The following FANK1 variants were observed in gnomAD, a reference collection of about 807,000 sequenced individuals.
FANK1 encodes fibronectin type 3 and ankyrin repeat domains protein 1.
Under a neutral mutation model 45.3 loss-of-function variants are expected in FANK1, and 44 were observed. The observed-to-expected ratio is 0.97, with a 90% CI of 0.76 to 1.25. The LOEUF (loss-of-function observed/expected upper bound fraction) is 1.25. Among genes scored for constraint, FANK1 ranks in the 50% most tolerant of loss-of-function variants. FANK1 has a pLI of 0.00. For missense variants in FANK1, 391 were observed against 424.4 expected (o/e 0.92, Z 0.69); for synonymous variants, 149 against 152.5 (o/e 0.98, Z 0.17).
At chr10:125,987,415 A>G (rs1482878550) in intron 2 of FANK1, among the ~76,000 whole-genome samples, 1 of 151,808 alleles carries the variant, frequency 6.6e-6, no homozygotes, top group Non-Finnish European at 1.5e-5. Context: ...GAAAAAACAA[A>G]AGGAGGAAAC....
At chr10:125,934,043 A>T (rs566796174) in intron 1 of FANK1, among the ~76,000 whole-genome samples, 1 of 152,082 alleles carries the variant, frequency 6.6e-6, no homozygotes, top group African/African-American at 2.4e-5. Context: ...GGCTTGTTTT[A>T]TTGGCATCTG....
intron 1 of FANK1, among the ~76,000 whole-genome samples, chr10:125,910,590 G>A (rs999732534): frequency 2.0e-5 from 3 of 152,076 alleles, no homozygotes; most frequent in Admixed American, 2.0e-4. Context: ...TTATATTTTG[G>A]TGAGTTTTCT....
rs1951331132 is a variant in FANK1 at position 125,983,174 on chromosome 10, T to C, written c.191+2836T>C. ...GTTTTCTGCATGTGTGTTCAGTTGT[T>C]TTCCCTGTTTGGACAGATTTTCCCC... is the stretch of plus-strand genomic sequence containing the variant. On this transcript the variant is annotated intron_variant, in intron 2 of 10. Transcript: ENST00000368693. This position sits in a 1 kb window ranked among gnomAD's most constrained non-coding sequence, Gnocchi z 4.3. Among the ~76,000 whole-genome samples, 2 of 152,202 alleles carry C rather than the reference T, an allele frequency of 1.3e-5. No homozygotes were observed. The highest frequency in any genetic ancestry group is 2.1e-4 in the South Asian group (1 of 4,832).
chr10:125,964,257 A>G (rs1001427063), intron 1 of FANK1, among the ~76,000 whole-genome samples: 2 of 137,216 alleles, frequency 1.5e-5, no homozygotes, highest in Admixed American at 1.6e-4. Context: ...CAGTGGCTCA[A>G]TCTCTGCTCG....
chr10:125,951,312 G>C (rs951454358), intron 1 of FANK1, among the ~76,000 whole-genome samples: 14 of 151,090 alleles, frequency 9.3e-5, no homozygotes, highest in Admixed American at 7.3e-4. Context: ...ATAACTATTT[G>C]CTCATATTTT....
chr10:125,923,295 CA>C (rs138311285), intron 1 of FANK1, among the ~76,000 whole-genome samples: 70,108 of 146,660 alleles, frequency 0.48, 17,059 homozygotes, highest in African/African-American at 0.59. Flanking sequence ...TCCATCTCTG[CA>C]AAAAAAAAAT....
At chr10:125,921,114 T>C (rs1237272212) in intron 1 of FANK1, among the ~76,000 whole-genome samples, 2 of 152,236 alleles carry the variant, frequency 1.3e-5, no homozygotes, top group African/African-American at 4.8e-5. Context: ...CTTTGCAATA[T>C]TGAACTTTCC....
chr10:126,000,131 TAAAG>T (rs957595103), intron 6 of FANK1, among the ~76,000 whole-genome samples: 2 of 152,118 alleles, frequency 1.3e-5, no homozygotes, highest in African/African-American at 4.8e-5. Flanking sequence ...ATTTAAGAAA[TAAAG>T]ACATGTCATA....
chr10:125,911,738 C>A (rs1946029511), intron 1 of FANK1, among the ~76,000 whole-genome samples: 1 of 152,124 alleles, frequency 6.6e-6, no homozygotes, highest in African/African-American at 2.4e-5. Context: ...AGTAAAAAGC[C>A]CTAATTTCTT....
At chr10:125,978,189 C>T (rs886483501) in intron 1 of FANK1, among the ~76,000 whole-genome samples, 1 of 152,158 alleles carries the variant, frequency 6.6e-6, no homozygotes, top group Non-Finnish European at 1.5e-5. Flanking sequence ...GCAGCCTGTC[C>T]CTCCCTCTGG....
intron 1 of FANK1, among the ~76,000 whole-genome samples, chr10:125,915,543 G>A (rs1453813385): frequency 2.0e-5 from 3 of 152,356 alleles, no homozygotes; most frequent in Admixed American, 6.5e-5. Context: ...GGGGCTGGGT[G>A]CGGTGGCTCA....
Position 125,902,676 on chromosome 10 carries a change from A to G in FANK1, c.13+6021A>G, listed in dbSNP as rs1203425011. ...AACGAGTCTCATTCTATCCGGTAAG[A>G]ATAAGGAAGGAGGCAAGTAAACTTA... On this transcript the variant is annotated intron_variant, in intron 1 of 10. Transcript: ENST00000368693. Among the ~76,000 whole-genome samples the G allele has an allele frequency of 5.3e-5, 8 of 152,226 alleles. 1 individual carries two copies. The highest frequency in any genetic ancestry group is 5.2e-4 in the Admixed American group (8 of 15,294).
At chr10:125,957,472 G>A (rs902760839) in intron 1 of FANK1, among the ~76,000 whole-genome samples, 4 of 151,742 alleles carry the variant, frequency 2.6e-5, no homozygotes, top group Admixed American at 2.0e-4. Flanking sequence ...TATGGTTCAG[G>A]TGTATTAGCG....
chr10:125,906,086 A>G (rs1449220160), intron 1 of FANK1, among the ~76,000 whole-genome samples: 1 of 152,304 alleles, frequency 6.6e-6, no homozygotes, highest in African/African-American at 2.4e-5. Flanking sequence ...GCTCCTTTCT[A>G]AAGGCTATGG....
intron 1 of FANK1, among the ~76,000 whole-genome samples, chr10:125,956,628 T>C (rs895891304): frequency 4.6e-5 from 7 of 152,190 alleles, no homozygotes; most frequent in Admixed American, 6.5e-5. Context: ...AATTTTATAG[T>C]TAGGCAGTTT....
At chr10:125,913,925 A>G (rs1417533527) in intron 1 of FANK1, among the ~76,000 whole-genome samples, 2 of 152,188 alleles carry the variant, frequency 1.3e-5, no homozygotes, top group Admixed American at 6.5e-5. Flanking sequence ...ACAAATATAA[A>G]TACAGATGGA....
chr10:125,969,693 A>G (rs916427325), intron 1 of FANK1, among the ~76,000 whole-genome samples: 2 of 152,094 alleles, frequency 1.3e-5, no homozygotes, highest in Non-Finnish European at 1.5e-5. Flanking sequence ...TGGCAGGGTC[A>G]TAGGACAATA....
intron 1 of FANK1, among the ~76,000 whole-genome samples, chr10:125,978,799 T>C (rs1590140779): frequency 6.6e-6 from 1 of 152,162 alleles, no homozygotes; most frequent in East Asian, 1.9e-4. Flanking sequence ...AGCCAGTGGG[T>C]CTTATCTCGT....
At chr10:125,963,072 T>G (rs1446582971) in intron 1 of FANK1, among the ~76,000 whole-genome samples, 2 of 150,634 alleles carry the variant, frequency 1.3e-5, no homozygotes, top group Non-Finnish European at 3.0e-5. Context: ...CTGCAACCTC[T>G]GTCTCCTGGG....
Sources: gnomAD v4.1 joint callset for allele counts (sites outside exome capture counted in the v4.1 genomes callset) on GRCh38, gnomAD v4.1.1 for gene constraint, Gnocchi (gnomAD v3.1) non-coding constraint, MANE v1.5 for transcripts, NCBI Gene and HGNC (gene_info 2026-07-23, HGNC 2026-07-21) for gene names.